The following CHRM3 variants were observed in gnomAD, a reference collection of about 807,000 sequenced individuals.
The protein encoded by CHRM3 is muscarinic acetylcholine receptor M3.
A neutral mutation model predicts 41.8 loss-of-function variants in CHRM3; 11 were observed. The ratio of observed to expected loss-of-function variants is 0.26; its 90% confidence interval spans 0.17 to 0.44. CHRM3 has a LOEUF of 0.44. Among genes scored for constraint, CHRM3 ranks in the 20% least tolerant of loss-of-function variants. The pLI, the probability that CHRM3 is intolerant of heterozygous loss-of-function variation, is 1.00. For synonymous variants in CHRM3, 297 were observed against 301.4 expected, an observed-to-expected ratio of 0.99 and a Z score of 0.15; for missense variants, 571 against 745.4, an observed-to-expected ratio of 0.77 and a Z score of 2.72.
intron 5 of CHRM3, among the ~76,000 whole-genome samples, chr1:239,697,561 A>T (rs946705175): frequency 6.6e-6 from 1 of 152,222 alleles, no homozygotes; most frequent in Non-Finnish European, 1.5e-5. Context: ...GATGGCAAGG[A>T]TAGAAAGGAG....
At chr1:239,644,749 G>A (rs1051934129) in intron 4 of CHRM3, among the ~76,000 whole-genome samples, 2 of 152,112 alleles carry the variant, frequency 1.3e-5, no homozygotes, top group Non-Finnish European at 2.9e-5. Flanking sequence ...GATTCAGAAG[G>A]GCTGAGCTTT....
intron 2 of CHRM3, among the ~76,000 whole-genome samples, chr1:239,530,852 A>G (rs1338047888): frequency 6.6e-6 from 1 of 152,212 alleles, no homozygotes; most frequent in East Asian, 1.9e-4. Context: ...AACAACATCA[A>G]GCATATCAAT....
chr1:239,472,810 C>T (rs2147949711), intron 1 of CHRM3, among the ~76,000 whole-genome samples: 1 of 152,174 alleles, frequency 6.6e-6, no homozygotes, highest in East Asian at 1.9e-4. Flanking sequence ...CTGATAGGTG[C>T]AGCACACCAC....
chr1:239,663,186 C>T (rs1673439399), intron 4 of CHRM3, among the ~76,000 whole-genome samples: 1 of 151,998 alleles, frequency 6.6e-6, no homozygotes, highest in South Asian at 2.1e-4. Context: ...CTGCTGCTCT[C>T]CACTCTCACC....
chr1:239,475,884 C>A (rs192398100), intron 1 of CHRM3, among the ~76,000 whole-genome samples: 31 of 152,044 alleles, frequency 2.0e-4, no homozygotes, highest in Admixed American at 1.4e-3. Flanking sequence ...AAAATAATGC[C>A]ATGGAGTGGA....
chr1:239,464,997 G>A (rs1665618863), intron 1 of CHRM3, among the ~76,000 whole-genome samples: 1 of 152,006 alleles, frequency 6.6e-6, no homozygotes, highest in Non-Finnish European at 1.5e-5. Flanking sequence ...GTCTCTCCAT[G>A]GAGAATTCAA....
At chr1:239,537,533 A>G (rs904995527) in intron 2 of CHRM3, among the ~76,000 whole-genome samples, 3 of 152,116 alleles carry the variant, frequency 2.0e-5, no homozygotes, top group East Asian at 3.9e-4. Context: ...TGGGGATTCC[A>G]TCTCAACATG....
intron 6 of CHRM3, among the ~76,000 whole-genome samples, chr1:239,859,657 C>A (rs1657422339): frequency 6.6e-6 from 1 of 151,304 alleles, no homozygotes; most frequent in African/African-American, 2.4e-5. Flanking sequence ...CTCAAGTGAT[C>A]CGCCTGCCTC....
intron 5 of CHRM3, among the ~76,000 whole-genome samples, chr1:239,718,410 C>G (rs1220305653): frequency 1.3e-5 from 2 of 151,980 alleles, no homozygotes; most frequent in Admixed American, 6.6e-5. Context: ...GAGTCAGATA[C>G]TGACTTCTGA....
At chr1:239,718,831 A>G (rs1662650871) in intron 5 of CHRM3, 1 of 152,018 alleles carries the variant, frequency 6.6e-6, no homozygotes, top group African/African-American at 2.4e-5. Context: ...GGGGAGTCAT[A>G]AAGAGGAACA....
chr1:239,456,276 C>G (rs1228197996), intron 1 of CHRM3, among the ~76,000 whole-genome samples: 1 of 152,212 alleles, frequency 6.6e-6, no homozygotes, highest in East Asian at 1.9e-4. Flanking sequence ...AGAGCAACTT[C>G]CAATCCTGCA....
chr1:239,561,010 G>A (rs768245175), intron 3 of CHRM3, among the ~76,000 whole-genome samples: 2 of 152,032 alleles, frequency 1.3e-5, no homozygotes, highest in South Asian at 4.2e-4. Flanking sequence ...TTCCTTAGTC[G>A]GTTTTATTGA....
intron 4 of CHRM3, among the ~76,000 whole-genome samples, chr1:239,660,897 G>C (rs570957811): frequency 2.6e-5 from 4 of 152,164 alleles, no homozygotes; most frequent in African/African-American, 9.6e-5. Context: ...AATAATAATA[G>C]ATTAATATTT....
chr1:239,440,627 T>C (rs1390288786), intron 1 of CHRM3, among the ~76,000 whole-genome samples: 2 of 152,322 alleles, frequency 1.3e-5, no homozygotes, highest in East Asian at 1.9e-4. Flanking sequence ...AATTTGGAAG[T>C]TGGAGGACTA....
At position 239,610,190 on chromosome 1, in the gene CHRM3, CAAAAAAAAA is replaced by C. The variant is rs35512941; in HGVS notation, c.-312-22021_-312-22013del. Reference sequence around the variant, plus strand: ...CCTGGGCGACAGAGCAAGACTCTGTCAAAAAAAAAAAAAAAAAAAAAGGACTATAAAACA... The same window carrying C: ...CCTGGGCGACAGAGCAAGACTCTGTCAAAAAAAAAAAAGGACTATAAAACA... On this transcript the variant is annotated intron_variant, in intron 3 of 6. Coordinates refer to ENST00000676153, the MANE Select transcript of CHRM3 (RefSeq NM_001375978.1). Among the ~76,000 whole-genome samples, 4 of 77,890 alleles carry C rather than the reference CAAAAAAAAA, an allele frequency of 5.1e-5. No individual in the cohort carries two copies. The East Asian group carries it at 1.3e-3, about 26-fold the overall frequency. 51.1% of individuals were successfully genotyped at this position (77,890 alleles called of 152,430 possible). A position where few individuals can be genotyped will look rare whatever the true frequency, so the allele number is the denominator to read the frequency against.
At chr1:239,616,357 A>C (rs1042487457) in intron 3 of CHRM3, among the ~76,000 whole-genome samples, 32 of 152,168 alleles carry the variant, frequency 2.1e-4, no homozygotes, top group African/African-American at 7.5e-4. Flanking sequence ...TTTACCATGC[A>C]ACTGTTCTTT....
At chr1:239,705,389 T>C (rs1033849006) in intron 5 of CHRM3, 1 of 152,186 alleles carries the variant, frequency 6.6e-6, no homozygotes, top group Non-Finnish European at 1.5e-5. Flanking sequence ...TGCAATAAAG[T>C]AGCAGAGACT....
At chr1:239,582,819 G>A (rs891570540) in intron 3 of CHRM3, among the ~76,000 whole-genome samples, 3 of 152,072 alleles carry the variant, frequency 2.0e-5, no homozygotes, top group Non-Finnish European at 2.9e-5. Flanking sequence ...ACATGGGATC[G>A]AGCCGTGAGT....
At chr1:239,416,838 A>G (rs1661539356) in intron 1 of CHRM3, among the ~76,000 whole-genome samples, 1 of 152,236 alleles carries the variant, frequency 6.6e-6, no homozygotes, top group South Asian at 2.1e-4. Context: ...ATGGATAGAA[A>G]AGGAAGATAA....
Sources: allele counts gnomAD v4.1 joint callset (sites outside exome capture counted in the v4.1 genomes callset), GRCh38; gene constraint gnomAD v4.1.1; transcripts MANE v1.5; gene names NCBI Gene and HGNC (gene_info 2026-07-23, HGNC 2026-07-21).